PRSS23: variants seen among roughly 807,000 people sequenced by gnomAD.
PRSS23 encodes serine protease 23.
Under a neutral mutation model 34.7 loss-of-function variants are expected in PRSS23, and 25 were observed. That is an observed-to-expected ratio of 0.72 (90% CI 0.53 to 1.01). The LOEUF (loss-of-function observed/expected upper bound fraction) is 1.01, where lower values mean the gene tolerates loss of function less well. Ranked by LOEUF, PRSS23 falls within the 50% of genes least tolerant of loss-of-function variation. The probability of loss-of-function intolerance (pLI) is 0.00; values close to 1 mark genes in which losing one functional copy is unlikely to be tolerated. For missense variants in PRSS23, 445 were observed against 475.6 expected (o/e 0.94, Z 0.60); for synonymous variants, 176 against 186.6 (o/e 0.94, Z 0.46).
intron 2 of PRSS23, among the ~76,000 whole-genome samples, chr11:86,922,859 T>G (rs1011224839): frequency 6.6e-6 from 1 of 152,170 alleles, no homozygotes; most frequent in Non-Finnish European, 1.5e-5. Context: ...GTGCACAAAA[T>G]GTTTGCTGGC....
At chr11:86,852,797 T>G (rs887025219) in intron 2 of PRSS23, among the ~76,000 whole-genome samples, 5 of 152,202 alleles carry the variant, frequency 3.3e-5, no homozygotes, top group African/African-American at 1.2e-4. Context: ...TTTGCAACTC[T>G]ATGCATTTAA....
chr11:86,892,588 G>A (rs1948848966), intron 2 of PRSS23, among the ~76,000 whole-genome samples: 1 of 152,182 alleles, frequency 6.6e-6, no homozygotes, highest in Non-Finnish European at 1.5e-5. Context: ...GTTTGGAATT[G>A]AATACTGGCT....
At chr11:86,828,102 T>C (rs575429227) in intron 2 of PRSS23, among the ~76,000 whole-genome samples, 12 of 152,302 alleles carry the variant, frequency 7.9e-5, no homozygotes, top group South Asian at 6.2e-4. Flanking sequence ...AGTGTTAAAG[T>C]CTCCCATTAT....
chr11:86,856,473 C>T (rs186440668), intron 2 of PRSS23, among the ~76,000 whole-genome samples: 128 of 152,300 alleles, frequency 8.4e-4, no homozygotes, highest in African/African-American at 3.0e-3. Context: ...CGGATCTCTA[C>T]ACATAACCTG....
chr11:86,878,632 G>A (rs935870514), intron 2 of PRSS23, among the ~76,000 whole-genome samples: 73 of 152,044 alleles, frequency 4.8e-4, no homozygotes, highest in African/African-American at 1.5e-3. Context: ...CCTCCCAGCC[G>A]CCTGCCTTGG....
chr11:86,799,487 T>G (rs2135591311), upstream of PRSS23, among the ~76,000 whole-genome samples: 1 of 152,224 alleles, frequency 6.6e-6, no homozygotes, highest in South Asian at 2.1e-4. Flanking sequence ...TTTGGGCAAG[T>G]CATAAAACCT....
chr11:86,870,608 C>T lies in PRSS23; in HGVS notation c.206+47015C>T, dbSNP rs149143687. 6.9e-3 allele frequency among the ~76,000 whole-genome samples: 1,045 copies of T among 152,284 alleles called. 11 individuals carry two copies. Among genetic ancestry groups the T allele is most frequent in the African/African-American group, 0.024 (1,013 of 41,548 alleles). ...AAAGCGTTTTTCAATCCTTTTCATACTCTTCAGGGATTCCAATTACATATA... is the reference window on the plus strand; with the variant it reads ...AAAGCGTTTTTCAATCCTTTTCATATTCTTCAGGGATTCCAATTACATATA... On this transcript the variant is annotated intron_variant, in intron 2 of 2. Coordinates refer to the PRSS23 transcript ENST00000533902.
intron 2 of PRSS23, among the ~76,000 whole-genome samples, chr11:86,856,418 A>G (rs1349736859): frequency 6.6e-6 from 1 of 152,066 alleles, no homozygotes; most frequent in African/African-American, 2.4e-5. Context: ...TAAGCTCCCC[A>G]GGTGATTTCA....
At position 86,844,272 on chromosome 11, in the gene PRSS23, A is replaced by G. The variant is rs915894143; in HGVS notation, c.206+20679A>G. On this transcript the variant is annotated intron_variant, in intron 2 of 2. Transcript: ENST00000533902. ...CACCGGGGCCTGTCAGGGGGTAGGC[A>G]GCTGGGAGAGGGATAGCATTAGGAG... is the stretch of plus-strand genomic sequence containing the variant. Among the ~76,000 whole-genome samples the G allele has an allele frequency of 3.3e-5, 5 of 152,120 alleles. No individual in the cohort carries two copies. The East Asian group carries it at 7.7e-4, about 23-fold the overall frequency.
At chr11:86,862,223 A>G (rs1053713406) in intron 2 of PRSS23, among the ~76,000 whole-genome samples, 2 of 151,952 alleles carry the variant, frequency 1.3e-5, no homozygotes, top group African/African-American at 4.8e-5. Context: ...ATTACTCCTA[A>G]TTTCACAGTG....
chr11:86,814,465 G>T (rs564540257), downstream of PRSS23, among the ~76,000 whole-genome samples: 2 of 152,154 alleles, frequency 1.3e-5, no homozygotes, highest in African/African-American at 4.8e-5. Flanking sequence ...AGAGAAAAAA[G>T]TTGGAAGCCA....
intron 2 of PRSS23, among the ~76,000 whole-genome samples, chr11:86,898,702 G>C (rs143840347): frequency 1.8e-4 from 28 of 152,332 alleles, no homozygotes; most frequent in Non-Finnish European, 3.1e-4. Flanking sequence ...CAAAGAAACT[G>C]ACTCCATCAG....
In PRSS23 at chr11:86,824,988, C is replaced by T. The variant is rs529686123; in HGVS notation, c.206+1395C>T. ...AGCATGATTTATAGTCCTTTGGGTA[C>T]ATACCCAGTAATGGGATGGCTGGGT... On this transcript the variant is annotated intron_variant, in intron 2 of 2. Coordinates refer to the PRSS23 transcript ENST00000533902. 1.4e-4 allele frequency among the ~76,000 whole-genome samples: 22 copies of T among 152,220 alleles called. No individual in the cohort carries two copies. In the South Asian group the frequency reaches 3.5e-3, roughly 24 times the overall value.
At chr11:86,950,807 C>T (rs1372056781) in intron 2 of PRSS23, 1 of 380,864 alleles carries the variant, frequency 2.6e-6, no homozygotes, top group Non-Finnish European at 4.9e-6. Flanking sequence ...TCCCACCCTG[C>T]AGGGGAAAAC....
chr11:86,952,222 C>A, exon 3 of PRSS23: 1 of 1,614,114 alleles, frequency 6.2e-7, no homozygotes, highest in Non-Finnish European at 8.5e-7. Flanking sequence ...GACACTCTTC[C>A]CCAGGCTGGA....
At chr11:86,830,744 A>T (rs1948348131) in intron 2 of PRSS23, among the ~76,000 whole-genome samples, 1 of 152,152 alleles carries the variant, frequency 6.6e-6, no homozygotes, top group South Asian at 2.1e-4. Context: ...AATATCACAG[A>T]GGTGTACACC....
chr11:86,939,391 G>T (rs1590936918), intron 2 of PRSS23, among the ~76,000 whole-genome samples: 3 of 32,236 alleles, frequency 9.3e-5, no homozygotes, highest in Non-Finnish European at 1.0e-4. Context: ...CTATTTCTCA[G>T]TTAAAAAAAA....
chr11:86,855,332 C>T (rs1948561692), intron 2 of PRSS23, among the ~76,000 whole-genome samples: 1 of 152,072 alleles, frequency 6.6e-6, no homozygotes, highest in Admixed American at 6.5e-5. Flanking sequence ...TCAATAAATT[C>T]CTGTGAACTA....
chr11:86,842,214 C>G (rs1252531388), intron 2 of PRSS23, among the ~76,000 whole-genome samples: 1 of 152,160 alleles, frequency 6.6e-6, no homozygotes, highest in Admixed American at 6.5e-5. Flanking sequence ...CAGAAAAGAC[C>G]TTTGACAAAA....
Sources: allele counts gnomAD v4.1 joint callset (sites outside exome capture counted in the v4.1 genomes callset), GRCh38; gene constraint gnomAD v4.1.1; transcripts MANE v1.5; gene names NCBI Gene and HGNC (gene_info 2026-07-23, HGNC 2026-07-21).